Variants in HERC6 observed in about 807,000 individuals in gnomAD.
The protein encoded by HERC6 is HECT and RLD domain containing E3 ubiquitin protein ligase family member 6.
In HERC6, 101 loss-of-function variants were observed where a neutral mutation model predicts 114.5. That is an observed-to-expected ratio of 0.88 (90% CI 0.75 to 1.04). HERC6 has a LOEUF of 1.04. Among genes scored for constraint, HERC6 ranks in the 50% least tolerant of loss-of-function variants. The probability of loss-of-function intolerance (pLI) is 0.00; values close to 1 mark genes in which losing one functional copy is unlikely to be tolerated. For missense variants in HERC6, 1,133 were observed against 1,230.9 expected (o/e 0.92, Z 1.19); for synonymous variants, 408 against 436.2 (o/e 0.94, Z 0.81).
chr4:88,434,031 T>G (rs1439231706), intron 17 of HERC6, among the ~76,000 whole-genome samples: 1 of 152,254 alleles, frequency 6.6e-6, no homozygotes, highest in Non-Finnish European at 1.5e-5. Context: ...TGTGGGATAT[T>G]CAAATTATTA....
intron 18 of HERC6, 84 bp from the exon 19 acceptor site, chr4:88,436,821 G>C (rs1357535103): frequency 2.2e-6 from 2 of 899,560 alleles, no homozygotes; most frequent in Non-Finnish European, 3.4e-6. Context: ...TTTCTATATT[G>C]TTCACAACTT....
chr4:88,408,450 C>G, intron 10 of HERC6, 74 bp from the exon 11 acceptor site: 3 of 915,908 alleles, frequency 3.3e-6, no homozygotes, highest in Non-Finnish European at 5.2e-6. Context: ...AATAAAGCAA[C>G]AAATGACATA....
intron 13 of HERC6, among the ~76,000 whole-genome samples, chr4:88,422,900 A>T (rs901848787): frequency 1.3e-5 from 2 of 152,104 alleles, no homozygotes; most frequent in African/African-American, 4.8e-5. Flanking sequence ...TAATTTATTT[A>T]ACAGCCACAG....
intron 10 of HERC6, among the ~76,000 whole-genome samples, chr4:88,407,465 A>G (rs1048206783): frequency 6.6e-6 from 1 of 151,544 alleles, no homozygotes; most frequent in Non-Finnish European, 1.5e-5. Context: ...CAGTAGTTTG[A>G]TCATAGCTCC....
At chr4:88,412,729 C>T (rs2148902362) in intron 11 of HERC6, among the ~76,000 whole-genome samples, 1 of 152,302 alleles carries the variant, frequency 6.6e-6, no homozygotes, top group South Asian at 2.1e-4. Context: ...ACAGCTCTTC[C>T]TTCTAGAAGG....
chr4:88,436,214 G>C (rs1275251774), intron 18 of HERC6, among the ~76,000 whole-genome samples: 2 of 152,154 alleles, frequency 1.3e-5, no homozygotes, highest in African/African-American at 4.8e-5. Flanking sequence ...GACTATACAA[G>C]GGTGTGTGTG....
chr4:88,398,896 T>A (rs979610460), intron 8 of HERC6: 1 of 152,118 alleles, frequency 6.6e-6, no homozygotes, highest in Non-Finnish European at 1.5e-5. Context: ...AAAAACGGAG[T>A]CTCAGAGAGG....
At position 88,435,893 on chromosome 4, in the gene HERC6, T is replaced by C. The variant is rs763080504; in HGVS notation, c.2417+2T>C. ...AGAACTCAGTCCTCGGTTGGGGAAG[T>C]AAGTAAATATAACGTTTTTTCAGGA... On this transcript the variant is annotated splice_donor_variant, in intron 18 of 22. Coordinates refer to ENST00000264346, the MANE Select transcript of HERC6 (RefSeq NM_017912.4). LOFTEE classifies it high-confidence loss of function. The C allele has an allele frequency of 1.9e-6, 3 of 1,596,408 alleles. No individual in the cohort carries two copies. The highest frequency in any genetic ancestry group is 2.6e-6 in the Non-Finnish European group (3 of 1,173,124).
chr4:88,442,131 G>A, intron 22 of HERC6, 103 bp from the exon 23 acceptor site: 2 of 814,818 alleles, frequency 2.5e-6, no homozygotes, highest in South Asian at 1.7e-5. Flanking sequence ...TCTGCCTAAG[G>A]ACATTCAATA....
chr4:88,411,230 G>C (rs1443621315), intron 11 of HERC6, among the ~76,000 whole-genome samples: 1 of 152,062 alleles, frequency 6.6e-6, no homozygotes, highest in East Asian at 1.9e-4. Flanking sequence ...GCTGTTCCCG[G>C]TGTAAGTTCC....
intron 15 of HERC6, among the ~76,000 whole-genome samples, chr4:88,427,549 A>T (rs536450651): frequency 6.6e-6 from 1 of 152,266 alleles, no homozygotes; most frequent in Admixed American, 6.5e-5. Flanking sequence ...AAAAAAAAAA[A>T]TCTTAAAGAA....
intron 3 of HERC6, among the ~76,000 whole-genome samples, chr4:88,385,992 T>C (rs551406390): frequency 6.6e-6 from 1 of 151,958 alleles, no homozygotes; most frequent in Non-Finnish European, 1.5e-5. Context: ...TTTATTTTTA[T>C]TGACACATAA....
At position 88,436,914 on chromosome 4, in the gene HERC6, A is replaced by G. The variant is rs921401090; in HGVS notation, c.2427A>G (p.Gln809=). 1.2e-6 allele frequency: 2 copies of G among 1,601,416 alleles called. No homozygotes were observed. The highest frequency in any genetic ancestry group is 1.7e-5 in the Admixed American group (1 of 58,990). Residue 809 remains glutamine, a synonymous_variant, in exon 19 of 23, where the codon CAA becomes CAG. Coordinates refer to ENST00000264346, the MANE Select transcript of HERC6 (RefSeq NM_017912.4). The stretch of plus-strand genomic sequence containing the variant: ...CCAAAATCTTCATTAGGAGTTTGCA[A>G]GAAGTTCTAGATGATGCTGCTGATG... ...ELSPRLGKSL[Q]EVLDDAADDI...
At chr4:88,379,200 C>T (rs549079370) in intron 1 of HERC6, 80 bp downstream of exon 1, 26 of 1,195,880 alleles carry the variant, frequency 2.2e-5, no homozygotes, top group South Asian at 1.9e-4. Flanking sequence ...CGCAGGGAAC[C>T]GGGTGCGGAG....
rs371429141 is a variant in HERC6, at chr4:88,390,633, T to A, written c.437-19T>A. 6.5e-5 allele frequency: 102 copies of A among 1,574,788 alleles called. No homozygotes were observed. In the African/African-American group the frequency reaches 1.2e-3, roughly 18 times the overall value. On this transcript the variant is annotated intron_variant, in intron 3 of 22. Coordinates refer to ENST00000264346, the MANE Select transcript of HERC6 (RefSeq NM_017912.4). ...ATTCTAATATGTGTACAATTCTTAA[T>A]TTCTCGTCTTTGTTGTAGATAGCCA...
chr4:88,421,092 T>C lies in HERC6; in HGVS notation c.1714-2768T>C, dbSNP rs796896388. Among the ~76,000 whole-genome samples, 8 of 152,364 alleles carry C rather than the reference T, an allele frequency of 5.3e-5. No homozygotes were observed. In the South Asian group the frequency reaches 1.0e-3, roughly 20 times the overall value. ...TCACTTAGCATAATGTTTTCAAGGTTCATCTATGTTGGAGTATGTATGAGT... is the reference window on the plus strand; with the variant it reads ...TCACTTAGCATAATGTTTTCAAGGTCCATCTATGTTGGAGTATGTATGAGT... On this transcript the variant is annotated intron_variant, in intron 13 of 22. Coordinates refer to ENST00000264346, the MANE Select transcript of HERC6 (RefSeq NM_017912.4).
intron 13 of HERC6, among the ~76,000 whole-genome samples, chr4:88,422,077 A>T (rs1357527743): frequency 2.6e-5 from 4 of 152,100 alleles, no homozygotes; most frequent in Non-Finnish European, 4.4e-5. Flanking sequence ...TGGTGTCTTT[A>T]TGCACAAATG....
chr4:88,388,197 G>C (rs1196795535), intron 3 of HERC6, among the ~76,000 whole-genome samples: 1 of 151,820 alleles, frequency 6.6e-6, no homozygotes, highest in Non-Finnish European at 1.5e-5. Context: ...CTCTGGAAGG[G>C]GATCACTTGA....
chr4:88,401,003 T>C (rs1379692175), intron 8 of HERC6, among the ~76,000 whole-genome samples: 1 of 152,038 alleles, frequency 6.6e-6, no homozygotes, highest in Non-Finnish European at 1.5e-5. Context: ...AGCCGAGTGG[T>C]CAAGTAAGAC....
Sources: gnomAD v4.1 joint callset for allele counts (sites outside exome capture counted in the v4.1 genomes callset) on GRCh38, gnomAD v4.1.1 for gene constraint, MANE v1.5 for transcripts, NCBI Gene and HGNC (gene_info 2026-07-23, HGNC 2026-07-21) for gene names.